The following MTMR8 variants were observed in gnomAD, a reference collection of about 807,000 sequenced individuals.
The protein encoded by MTMR8 is myotubularin related protein 8, also known as phosphatidylinositol-3,5-bisphosphate 3-phosphatase MTMR8.
Under a neutral mutation model 39.3 loss-of-function variants are expected in MTMR8, and 65 were observed. The observed-to-expected ratio is 1.65, with a 90% CI of 1.35 to 2.03. MTMR8 has a LOEUF of 2.03. Among genes scored for constraint, MTMR8 ranks in the 30% most tolerant of loss-of-function variants. MTMR8 has a pLI of 0.00. For synonymous variants in MTMR8, 245 were observed against 185.2 expected, an observed-to-expected ratio of 1.32 and a Z score of -2.62; for missense variants, 777 against 538.9, an observed-to-expected ratio of 1.44 and a Z score of -4.37.
At chrX:64,306,271 G>C in intron 12 of MTMR8, 1 of 333,715 alleles carries the variant, frequency 3.0e-6, no homozygotes. Context: ...AGGAAATGTG[G>C]CACAGCATTG....
Position 64,278,459 on chromosome X carries a change from G to GTTTTTTTTTTTTTTTTTTTTTTTTTTT in MTMR8, c.1482-7387_1482-7386insAAAAAAAAAAAAAAAAAAAAAAAAAAA, listed in dbSNP as rs1931928205. 1.0e-4 allele frequency among the ~76,000 whole-genome samples: 5 copies of GTTTTTTTTTTTTTTTTTTTTTTTTTTT among 49,868 alleles called. 2 individuals are homozygous for GTTTTTTTTTTTTTTTTTTTTTTTTTTT. Among genetic ancestry groups the GTTTTTTTTTTTTTTTTTTTTTTTTTTT allele is most frequent in the African/African-American group, 5.7e-4 (5 of 8,741 alleles). The allele number at this position is 49,868 out of a possible 115,157, so 43.3% of individuals were successfully genotyped here. A position where few individuals can be genotyped will look rare whatever the true frequency, so the allele number is the denominator to read the frequency against. On this transcript the variant is annotated intron_variant, in intron 12 of 13. Coordinates refer to ENST00000374852, the MANE Select transcript of MTMR8 (RefSeq NM_017677.4). The stretch of plus-strand genomic sequence containing the variant: ...TGATGTTGATGCTATTTATTTTGCT[G>GTTTTTTTTTTTTTTTTTTTTTTTTTTT]GTTTTTTTTTTTTTTTTTTTTTTTT...
chrX:64,313,431 C>A (rs767549777), intron 12 of MTMR8, among the ~76,000 whole-genome samples: 1 of 112,692 alleles, frequency 8.9e-6, no homozygotes. Flanking sequence ...CAGTTAGGAA[C>A]TTTTATCAAC....
At chrX:64,278,459 GGTT>G (rs59123178) in intron 12 of MTMR8, among the ~76,000 whole-genome samples, 3,439 of 49,821 alleles carry the variant, frequency 0.069, 1,286 homozygotes, top group African/African-American at 0.38. Context: ...TTATTTTGCT[GGTT>G]TTTTTTTTTT....
intron 12 of MTMR8, among the ~76,000 whole-genome samples, chrX:64,323,179 G>C: frequency 8.9e-6 from 1 of 112,360 alleles, no homozygotes; most frequent in Non-Finnish European, 1.9e-5. Context: ...ATTCCAGGGG[G>C]TACCTGCTCA....
chrX:64,328,667 C>T, intron 12 of MTMR8, 105 bp downstream of exon 12: 1 of 793,796 alleles, frequency 1.3e-6, no homozygotes, highest in Non-Finnish European at 1.7e-6. Context: ...GTATCCTACT[C>T]CATAGCCAGG....
In MTMR8 at chrX:64,328,939, G is replaced by A. The variant is rs772349388; in HGVS notation, c.1353-39C>T. 6 of 1,158,325 alleles carry A rather than the reference G, an allele frequency of 5.2e-6. No homozygotes were observed. The Admixed American group carries it at 1.4e-4, about 27-fold the overall frequency. ...AAAACAAGCCAAAAAATTAAAAGCAGGAAGCAAGTAATCTCAATAGTCCTG... is the reference window on the plus strand; with the variant it reads ...AAAACAAGCCAAAAAATTAAAAGCAAGAAGCAAGTAATCTCAATAGTCCTG... On this transcript the variant is annotated intron_variant, in intron 11 of 13. Coordinates refer to ENST00000374852, the MANE Select transcript of MTMR8 (RefSeq NM_017677.4).
chrX:64,322,066 C>T (rs1383132734), intron 12 of MTMR8, among the ~76,000 whole-genome samples: 5 of 106,581 alleles, frequency 4.7e-5, no homozygotes, highest in African/African-American at 1.7e-4. Context: ...TTTTTTGAGG[C>T]AGGGTCTTGC....
chrX:64,345,789 C>CA lies in MTMR8; in HGVS notation c.733-613dup, dbSNP rs1034766577. Among the ~76,000 whole-genome samples, 398 of 111,085 alleles carry CA rather than the reference C, an allele frequency of 3.6e-3. 3 individuals are homozygous for CA. The highest frequency in any genetic ancestry group is 0.013 in the African/African-American group (383 of 30,607). On this transcript the variant is annotated intron_variant, in intron 6 of 13. Transcript: ENST00000374852. ...CACCATGCCTGGCTAATTTTTTTTA[C>CA]AAAAAATGTTTTTTGTAAAGACAGT...
At chrX:64,377,397 C>CA (rs949526749) in intron 1 of MTMR8, among the ~76,000 whole-genome samples, 3 of 112,593 alleles carry the variant, frequency 2.7e-5, no homozygotes, top group African/African-American at 9.7e-5. Flanking sequence ...CCTGCAGAGC[C>CA]AAAAGGCAAA....
At chrX:64,305,763 G>T in intron 12 of MTMR8, 1 of 425,772 alleles carries the variant, frequency 2.3e-6, no homozygotes, top group African/African-American at 2.4e-5. Context: ...ACAAAGAGCT[G>T]AAAGCATTTC....
At chrX:64,269,369 A>G (rs1931705387) in intron 13 of MTMR8, among the ~76,000 whole-genome samples, 2 of 111,944 alleles carry the variant, frequency 1.8e-5, no homozygotes, top group South Asian at 7.6e-4. Flanking sequence ...CTTTACACAC[A>G]GTATTTCCTT....
intron 12 of MTMR8, chrX:64,305,306 C>T (rs1922069911): frequency 4.2e-5 from 8 of 190,733 alleles, no homozygotes; most frequent in Non-Finnish European, 8.0e-5. Flanking sequence ...TTAATTCATC[C>T]AGTACTACTT....
intron 12 of MTMR8, among the ~76,000 whole-genome samples, chrX:64,318,935 C>T (rs1040066044): frequency 6.3e-5 from 7 of 111,202 alleles, no homozygotes; most frequent in African/African-American, 2.3e-4. Flanking sequence ...CCCGCCTTGG[C>T]CTTCCAAAGT....
chrX:64,385,056 G>A (rs1924523080), intron 1 of MTMR8, among the ~76,000 whole-genome samples: 1 of 112,205 alleles, frequency 8.9e-6, no homozygotes, highest in African/African-American at 3.2e-5. Flanking sequence ...TAGGCAGTTA[G>A]AAGCAGCCAT....
Position 64,285,415 on chromosome X carries a change from G to A in MTMR8, c.1482-14342C>T, listed in dbSNP as rs773522339. ...CACTGTCAACACTAGACAGATCAAC[G>A]AGACAGAAAGTTCACAAGGATATCC... On this transcript the variant is annotated intron_variant, in intron 12 of 13. Transcript: ENST00000374852. 6.3e-5 allele frequency among the ~76,000 whole-genome samples: 7 copies of A among 111,044 alleles called. No homozygotes were observed. The South Asian group carries it at 1.2e-3, about 19-fold the overall frequency.
At chrX:64,371,525 T>C (rs1439773824) in intron 1 of MTMR8, among the ~76,000 whole-genome samples, 1 of 111,639 alleles carries the variant, frequency 9.0e-6, no homozygotes, top group Non-Finnish European at 1.9e-5. Context: ...CAGTATCCTT[T>C]GACCCAATAC....
chrX:64,392,741 A>C (rs1876073552), intron 1 of MTMR8, among the ~76,000 whole-genome samples: 1 of 111,399 alleles, frequency 9.0e-6, no homozygotes, highest in Non-Finnish European at 1.9e-5. Context: ...AGTCTTCCTG[A>C]GTAAAGAAAA....
chrX:64,315,279 T>G (rs1353812183), intron 12 of MTMR8, among the ~76,000 whole-genome samples: 1 of 111,914 alleles, frequency 8.9e-6, no homozygotes, highest in Non-Finnish European at 1.9e-5. Context: ...CATTCCCCCA[T>G]TGTTGTTAGG....
chrX:64,383,423 A>G (rs1464245234), intron 1 of MTMR8, among the ~76,000 whole-genome samples: 3 of 109,226 alleles, frequency 2.7e-5, no homozygotes, highest in African/African-American at 6.6e-5. Context: ...TATATGATAT[A>G]TAAAACCAAA....
Sources: allele counts gnomAD v4.1 joint callset (sites outside exome capture counted in the v4.1 genomes callset), GRCh38; gene constraint gnomAD v4.1.1; transcripts MANE v1.5; gene names NCBI Gene and HGNC (gene_info 2026-07-23, HGNC 2026-07-21).